Variants in MOV10 observed in about 807,000 individuals in gnomAD.
The protein encoded by MOV10 is RNA helicase MOV-10.
In MOV10, 39 loss-of-function variants were observed where a neutral mutation model predicts 108.4. The observed-to-expected ratio is 0.36, with a 90% confidence interval of 0.28 to 0.47. The LOEUF (loss-of-function observed/expected upper bound fraction) is 0.47, where lower values mean the gene tolerates loss of function less well. Among genes scored for constraint, MOV10 ranks in the 20% least tolerant of loss-of-function variants. MOV10 has a pLI of 1.00. For synonymous variants in MOV10, 490 were observed against 523.1 expected (o/e 0.94, Z 0.86); for missense variants, 952 against 1,297.6 (o/e 0.73, Z 4.09).
intron 16 of MOV10, 61 bp from the exon 17 acceptor site, chr1:112,698,654 C>G: frequency 6.4e-7 from 1 of 1,559,460 alleles, no homozygotes; most frequent in South Asian, 1.1e-5. Context: ...GGCCTCCTGC[C>G]AGGCTCCCTC....
intron 2 of MOV10, among the ~76,000 whole-genome samples, chr1:112,687,934 C>T (rs193136347): frequency 6.6e-6 from 1 of 152,250 alleles, no homozygotes; most frequent in East Asian, 1.9e-4. Flanking sequence ...TCTTGCGTAC[C>T]TCTCACATCT....
At chr1:112,682,021 A>G (rs764577683) in intron 2 of MOV10, among the ~76,000 whole-genome samples, 1 of 151,374 alleles carries the variant, frequency 6.6e-6, no homozygotes, top group Non-Finnish European at 1.5e-5. Flanking sequence ...TCAGCCTCCC[A>G]AGTAGCTGGG....
intron 2 of MOV10, among the ~76,000 whole-genome samples, chr1:112,681,329 T>TA (rs1672633616): frequency 6.6e-6 from 1 of 151,850 alleles, no homozygotes; most frequent in African/African-American, 2.4e-5. Context: ...CCGTCTCTAC[T>TA]AAAAAATACA....
Position 112,689,136 on chromosome 1 carries a change from C to T in MOV10, c.339C>T (p.Asp113=). 1 of 1,593,932 alleles carries T rather than the reference C, an allele frequency of 6.3e-7. No individual in the cohort carries two copies. The highest frequency in any genetic ancestry group is 1.8e-5 in the Admixed American group (1 of 56,246). The change falls in exon 3 of 21, where the codon GAC becomes GAT. Residue 113 remains aspartate (D), a splice_region_variant and synonymous_variant. Coordinates refer to ENST00000369645, the MANE Select transcript of MOV10 (RefSeq NM_001321324.2). ...CACTGCTAGCCAAGATCTTTTATGA[C>T]AGGTGTGTGTGTGTTGTATGTTGTG... ...HKSLLAKIFY[D]RAEYLHGKHG...
rs1672094214 is a variant in MOV10, at chr1:112,675,251, C to T, written c.137+202C>T. ...CGCCGCCCGGAGCCCGCCAGTTCTG[C>T]CCGAGCTGGGCCCCTGCGCCAAGTC... On this transcript the variant is annotated intron_variant, in intron 2 of 20. Transcript: ENST00000369645. The surrounding 1 kb of genome is among the most constrained non-coding windows in gnomAD (Gnocchi z 4.7). 2.0e-5 allele frequency among the ~76,000 whole-genome samples: 3 copies of T among 151,964 alleles called. No homozygotes were observed. Among genetic ancestry groups the T allele is most frequent in the African/African-American group, 7.2e-5 (3 of 41,406 alleles).
chr1:112,696,688 C>A lies in MOV10; in HGVS notation c.2040C>A (p.Asp680Glu), dbSNP rs765419570. ...GAGGGCAGCTGGTGCTGGCAGGAGA[C>A]CCTCGGCAGCTGGGGCCTGTGCTGC... ...DPGGQLVLAG[D>E]PRQLGPVLRS... Residue 680 changes from aspartate to glutamate, a missense_variant, in exon 14 of 21, where the codon GAC (aspartate) becomes GAA (glutamate). Transcript: ENST00000369645. The A allele has an allele frequency of 6.2e-7, 1 of 1,609,904 alleles. No individual in the cohort carries two copies. Among genetic ancestry groups the A allele is most frequent in the African/African-American group, 1.3e-5 (1 of 74,978 alleles).
rs747214381 is a variant in MOV10, at chr1:112,695,585, A to G, written c.1779+11A>G. On this transcript the variant is annotated intron_variant, in intron 11 of 20. Transcript: ENST00000369645. ...CCTGAGGACATCAAGGTACTAGGGA[A>G]GTGCAGAGGGCCAAAGAATGGCAAA... is the stretch of plus-strand genomic sequence containing the variant. 6.2e-7 allele frequency: 1 copy of G among 1,612,136 alleles called. No homozygotes were observed. Among genetic ancestry groups the G allele is most frequent in the Non-Finnish European group, 8.5e-7 (1 of 1,179,322 alleles).
rs1673434160 is a variant in MOV10, at chr1:112,689,951, G to A, written c.689G>A (p.Gly230Asp). 1.9e-6 allele frequency: 3 copies of A among 1,614,168 alleles called. No individual in the cohort carries two copies. The highest frequency in any genetic ancestry group is 2.5e-6 in the Non-Finnish European group (3 of 1,180,042). ...GGGGAGTCGGGTTCAGAAGGAGCCG[G>A]CACATTCTACATTGCCCGCTTCTTG... The part of the protein sequence containing the change: ...GPGESGSEGA[G>D]TFYIARFLAA... Residue 230 changes from glycine to aspartate, a missense_variant, in exon 5 of 21, where the codon GGC becomes GAC. Gly to Asp is a moderately conservative substitution (Grantham distance 94). Around this residue, in one of 5 missense-constraint regions of MOV10, gnomAD observed 374 missense variants for 468.6 expected, o/e 0.80. Transcript: ENST00000369645.
chr1:112,689,803 G>A (rs376015380), intron 4 of MOV10, 37 bp from the exon 5 acceptor site: 26 of 1,603,426 alleles, frequency 1.6e-5, no homozygotes, highest in Non-Finnish European at 2.0e-5. Context: ...TGGGTGGGAG[G>A]GTCCCTACCC....
chr1:112,696,222 C>T lies in MOV10; in HGVS notation c.1854C>T (p.Val618=), dbSNP rs760257319. 86 of 1,613,478 alleles carry T rather than the reference C, an allele frequency of 5.3e-5. No homozygotes were observed. Among genetic ancestry groups the T allele is most frequent in the Admixed American group, 1.3e-4 (8 of 59,976 alleles). ...AGAAGAAGCTGCAGGAATACCGGGT[C>T]TTAATTACCACCCTCATCACTGCCG... ...PAKKKLQEYR[V]LITTLITAGR... The change falls in exon 12 of 21, where the codon GTC becomes GTT. Residue 618 remains valine (V), a synonymous_variant. Transcript: ENST00000369645.
intron 11 of MOV10, 148 bp downstream of exon 11, chr1:112,695,722 T>G: frequency 1.6e-6 from 1 of 623,232 alleles, no homozygotes; most frequent in Non-Finnish European, 2.5e-6. Context: ...GGCCTCAGTT[T>G]GTCTGTAAGT....
intron 12 of MOV10, 63 bp downstream of exon 12, chr1:112,696,314 G>A (rs765228691): frequency 1.0e-4 from 146 of 1,447,024 alleles, no homozygotes; most frequent in Non-Finnish European, 1.4e-4. Flanking sequence ...ACCGGGCTGG[G>A]GAAATGGGGA....
At position 112,696,178 on chromosome 1, in the gene MOV10, G is replaced by C. The variant is rs1279667342; in HGVS notation, c.1810G>C (p.Glu604Gln). 4 of 1,613,952 alleles carry C rather than the reference G, an allele frequency of 2.5e-6. No homozygotes were observed. In the Admixed American group the frequency reaches 6.7e-5, roughly 27 times the overall value. ...PCCNWDAKKG[E>Q]YVFPAKKKLQ... ...CTGCAACTGGGACGCAAAGAAGGGGGAGTATGTATTTCCCGCCAAGAAGAA... is the reference window on the plus strand; with the variant it reads ...CTGCAACTGGGACGCAAAGAAGGGGCAGTATGTATTTCCCGCCAAGAAGAA... Residue 604 changes from glutamate to glutamine, a missense_variant, in exon 12 of 21, where the codon GAG becomes CAG. Glu to Gln is a conservative substitution (Grantham distance 29). Coordinates refer to ENST00000369645, the MANE Select transcript of MOV10 (RefSeq NM_001321324.2).
In MOV10 at chr1:112,696,941, T is replaced by G. The variant is rs926152689; in HGVS notation, c.2198+95T>G. 3 of 1,044,136 alleles carry G rather than the reference T, an allele frequency of 2.9e-6. No homozygotes were observed. In the Admixed American group the frequency reaches 6.4e-5, roughly 22 times the overall value. The allele number at this position is 1,044,136 out of a possible 1,614,324, so 64.7% of individuals were successfully genotyped here. On this transcript the variant is annotated intron_variant, in intron 14 of 20. Transcript: ENST00000369645. ...GAGTCTGGCTTGCTGTCAGTCCTGT[T>G]GCTCAGAGGTTGTGTGATGCAGAAA...
At chr1:112,686,974 C>G (rs1368508402) in intron 2 of MOV10, 2 of 456,486 alleles carry the variant, frequency 4.4e-6, no homozygotes, top group Admixed American at 4.7e-5. Context: ...AGTCTTGCCT[C>G]CAGCAAATCC....
At position 112,674,743 on chromosome 1, in the gene MOV10, G is replaced by A. The variant is rs2101216748; in HGVS notation, c.-66+14G>A. 1.7e-6 allele frequency: 1 copy of A among 583,476 alleles called. No homozygotes were observed. Among genetic ancestry groups the A allele is most frequent in the East Asian group, 3.4e-5 (1 of 29,480 alleles). The allele number at this position is 583,476 out of a possible 1,614,324, so 36.1% of individuals were successfully genotyped here. A position where few individuals can be genotyped will look rare whatever the true frequency, so the allele number is the denominator to read the frequency against. ...GGGAAAGCTCAGGTAAGAAAAGAAC[G>A]GAGGAGGGAAGCCTGGTGGGGAGAA... On this transcript the variant is annotated intron_variant, in intron 1 of 20. Coordinates refer to ENST00000369645, the MANE Select transcript of MOV10 (RefSeq NM_001321324.2).
In MOV10 at chr1:112,694,914, A is replaced by C. The variant is rs773102240; in HGVS notation, c.1620+18A>C. Reference sequence around the variant, plus strand: ...TTAAGCAGGTGGGGTCTGAGCACAAACCTGGGGCCTGCACTCTGATTCCCC... The same window carrying C: ...TTAAGCAGGTGGGGTCTGAGCACAACCCTGGGGCCTGCACTCTGATTCCCC... On this transcript the variant is annotated intron_variant, in intron 10 of 20. Transcript: ENST00000369645. The surrounding 1 kb of genome is among the most constrained non-coding windows in gnomAD (Gnocchi z 4.1). The C allele has an allele frequency of 1.9e-6, 3 of 1,608,354 alleles. No individual in the cohort carries two copies. In the South Asian group the frequency reaches 3.3e-5, roughly 18 times the overall value.
intron 1 of MOV10, 53 bp from the exon 2 acceptor site, chr1:112,674,795 G>A: frequency 2.9e-6 from 3 of 1,047,260 alleles, no homozygotes; most frequent in Non-Finnish European, 1.4e-6. Context: ...AGGGGTCAGA[G>A]TTAGGGGGCT....
chr1:112,686,202 C>T (rs1290401427), intron 2 of MOV10, among the ~76,000 whole-genome samples: 1 of 152,150 alleles, frequency 6.6e-6, no homozygotes, highest in Non-Finnish European at 1.5e-5. Flanking sequence ...ATGCAGTATT[C>T]TTACACTAGT....
Sources: gnomAD v4.1 joint callset for allele counts (sites outside exome capture counted in the v4.1 genomes callset) on GRCh38, gnomAD v4.1.1 for gene constraint, gnomAD v4.1.1 regional missense constraint, Gnocchi (gnomAD v3.1) non-coding constraint, MANE v1.5 for transcripts, NCBI Gene and HGNC (gene_info 2026-07-23, HGNC 2026-07-21) for gene names.